KDELR3: variants seen among roughly 807,000 people sequenced by gnomAD.
KDELR3 encodes the protein KDEL endoplasmic reticulum protein retention receptor 3.
A neutral mutation model predicts 22.7 loss-of-function variants in KDELR3; 26 were observed. The ratio of observed to expected loss-of-function variants is 1.15; its 90% CI spans 0.84 to 1.59. The LOEUF (loss-of-function observed/expected upper bound fraction) is 1.59, where lower values mean the gene tolerates loss of function less well. KDELR3 is among the 40% of genes most tolerant of loss of function. KDELR3 has a pLI of 0.00. For synonymous variants in KDELR3, 120 were observed against 98.2 expected (o/e 1.22, Z -1.31); for missense variants, 289 against 251.1 (o/e 1.15, Z -1.02).
intron 4 of KDELR3, chr22:38,481,724 AG>A (rs2089603359): frequency 1.3e-5 from 16 of 1,196,270 alleles, no homozygotes; most frequent in African/African-American, 1.5e-5. Context: ...AAAACATTCC[AG>A]AACTTATTAC....
At chr22:38,472,952 C>T (rs1295723652) in intron 1 of KDELR3, among the ~76,000 whole-genome samples, 7 of 152,092 alleles carry the variant, frequency 4.6e-5, no homozygotes, top group Non-Finnish European at 7.4e-5. Flanking sequence ...CTGCCCGCCT[C>T]GGCCTCCCAA....
rs1569134840 is a variant in KDELR3, at chr22:38,483,207, G to A, written c.*671G>A. 6.6e-6 allele frequency: 1 copy of A among 152,164 alleles called. No homozygotes were observed. The highest frequency in any genetic ancestry group is 6.5e-5 in the Admixed American group (1 of 15,274). The allele number at this position is 152,164 out of a possible 1,614,324, so 9.4% of individuals were successfully genotyped here. ...AATGGTACTTAGGCGAGTACCATTT[G>A]CACAATCACTGTTTTACTTATGAGC... On this transcript the variant is annotated 3_prime_UTR_variant, in exon 5 of 5. Coordinates refer to ENST00000216014, the MANE Select transcript of KDELR3 (RefSeq NM_006855.4).
In KDELR3 at chr22:38,483,074, A is replaced by G. The variant is rs1333108735; in HGVS notation, c.*538A>G. On this transcript the variant is annotated 3_prime_UTR_variant, in exon 5 of 5. Transcript: ENST00000216014. ...TTCAGGCCAGAAGCAAACCAAATTT[A>G]CCAGGTTTGGCTGGAGGAGTTTTGT... The G allele has an allele frequency of 6.5e-6, 1 of 152,968 alleles. No individual in the cohort carries two copies. The highest frequency in any genetic ancestry group is 2.4e-5 in the African/African-American group (1 of 41,464). The allele number at this position is 152,968 out of a possible 1,614,324, so 9.5% of individuals were successfully genotyped here.
chr22:38,483,268 AT>A lies in KDELR3; in HGVS notation c.*733del, dbSNP rs1478106362. On this transcript the variant is annotated 3_prime_UTR_variant, in exon 5 of 5. Coordinates refer to ENST00000216014, the MANE Select transcript of KDELR3 (RefSeq NM_006855.4). ...ATATCCAAACCCTTACCTACTAGGT[AT>A]CCTGCTAGGGTTTTCAATTCCAATT... 3.3e-5 allele frequency: 5 copies of A among 152,226 alleles called. No individual in the cohort carries two copies. The highest frequency in any genetic ancestry group is 2.9e-5 in the Non-Finnish European group (2 of 68,044). 9.4% of individuals were successfully genotyped at this position (152,226 alleles called of 1,614,324 possible).
At chr22:38,471,446 GC>G (rs1209574427) in intron 1 of KDELR3, among the ~76,000 whole-genome samples, 4 of 152,182 alleles carry the variant, frequency 2.6e-5, no homozygotes, top group Non-Finnish European at 5.9e-5. Context: ...CCCACTGCCA[GC>G]CCCACTGTTG....
intron 2 of KDELR3, among the ~76,000 whole-genome samples, chr22:38,477,471 G>C (rs1362540653): frequency 6.6e-6 from 1 of 152,176 alleles, no homozygotes; most frequent in Non-Finnish European, 1.5e-5. Flanking sequence ...CCAAAGTGCT[G>C]GGATTACAGG....
At chr22:38,472,345 TG>T (rs2089530463) in intron 1 of KDELR3, among the ~76,000 whole-genome samples, 1 of 151,812 alleles carries the variant, frequency 6.6e-6, no homozygotes, top group African/African-American at 2.4e-5. Context: ...GGCATGATGG[TG>T]GGCGCCTGTA....
intron 1 of KDELR3, among the ~76,000 whole-genome samples, chr22:38,471,565 G>C (rs2089525310): frequency 6.6e-6 from 1 of 152,342 alleles, no homozygotes; most frequent in Non-Finnish European, 1.5e-5. Context: ...CTCTGCATGA[G>C]GGGCCGTTTG....
At chr22:38,469,423 G>T (rs1399236942) in intron 1 of KDELR3, among the ~76,000 whole-genome samples, 1 of 152,208 alleles carries the variant, frequency 6.6e-6, no homozygotes. Context: ...TGCTTTGCAA[G>T]CTTTGAGAGA....
intron 2 of KDELR3, among the ~76,000 whole-genome samples, chr22:38,479,195 A>T (rs1372323374): frequency 6.6e-6 from 1 of 152,036 alleles, no homozygotes; most frequent in East Asian, 1.9e-4. Context: ...AAAAAAAAAA[A>T]GGCTAGTCCT....
At position 38,468,135 on chromosome 22, in the gene KDELR3, C is replaced by A; in HGVS notation, c.-99C>A. 1.0e-6 allele frequency: 1 copy of A among 1,004,256 alleles called. No homozygotes were observed. Among genetic ancestry groups the A allele is most frequent in the South Asian group, 1.4e-5 (1 of 71,700 alleles). The allele number at this position is 1,004,256 out of a possible 1,614,324, so 62.2% of individuals were successfully genotyped here. ...GTGAGGCGCAGGCAGGGCTCTGGGG[C>A]ACCTAGAGACCGGGGCCGGAGACGT... On this transcript the variant is annotated 5_prime_UTR_variant, in exon 1 of 5. Transcript: ENST00000216014.
rs768815947 is a variant in KDELR3 at position 38,479,771 on chromosome 22, AC to A, written c.351+22del. 7.4e-6 allele frequency: 12 copies of A among 1,612,526 alleles called. No homozygotes were observed. Among genetic ancestry groups the A allele is most frequent in the Non-Finnish European group, 1.0e-5 (12 of 1,178,746 alleles). Reference sequence around the variant, plus strand: ...CTGGAGGTAAGGGAATGGACTGAGTACCAGTTCTCAAAGGGAAATATGCTCC... The same window carrying A: ...CTGGAGGTAAGGGAATGGACTGAGTACAGTTCTCAAAGGGAAATATGCTCC... On this transcript the variant is annotated intron_variant, in intron 3 of 4. Coordinates refer to ENST00000216014, the MANE Select transcript of KDELR3 (RefSeq NM_006855.4).
intron 1 of KDELR3, among the ~76,000 whole-genome samples, chr22:38,474,098 C>T (rs1049153117): frequency 1.3e-5 from 2 of 152,184 alleles, no homozygotes; most frequent in Admixed American, 1.3e-4. Flanking sequence ...GAATCAACAC[C>T]TTGTAAAGTC....
At chr22:38,473,664 C>T (rs1210375118) in intron 1 of KDELR3, among the ~76,000 whole-genome samples, 1 of 152,120 alleles carries the variant, frequency 6.6e-6, no homozygotes, top group African/African-American at 2.4e-5. Context: ...ATAGGCATAA[C>T]TTTTGTAACT....
chr22:38,472,998 C>A (rs192669763), intron 1 of KDELR3, among the ~76,000 whole-genome samples: 1 of 152,212 alleles, frequency 6.6e-6, no homozygotes, highest in African/African-American at 2.4e-5. Context: ...CCGCCCCCGG[C>A]CCAAATACGA....
chr22:38,481,943 A>C (rs537948239), intron 4 of KDELR3, among the ~76,000 whole-genome samples: 12 of 152,232 alleles, frequency 7.9e-5, no homozygotes, highest in African/African-American at 2.9e-4. Context: ...ACAAAAAGAC[A>C]CTTCATATGT....
intron 1 of KDELR3, among the ~76,000 whole-genome samples, chr22:38,472,464 G>A (rs549933903): frequency 1.1e-4 from 17 of 151,918 alleles, no homozygotes; most frequent in Non-Finnish European, 2.5e-4. Context: ...GTGACAGAGT[G>A]AGACTCTGTC....
chr22:38,480,094 G>A (rs1205025058), intron 3 of KDELR3, among the ~76,000 whole-genome samples: 2 of 152,122 alleles, frequency 1.3e-5, no homozygotes, highest in Admixed American at 6.6e-5. Context: ...GAATCTGCAG[G>A]CAACAAGCAT....
chr22:38,481,974 C>T (rs1051043604), intron 4 of KDELR3, among the ~76,000 whole-genome samples: 1 of 152,210 alleles, frequency 6.6e-6, no homozygotes, highest in Non-Finnish European at 1.5e-5. Flanking sequence ...TTTACAAATT[C>T]GTGTTGGGCC....
Sources: allele counts gnomAD v4.1 joint callset (sites outside exome capture counted in the v4.1 genomes callset), GRCh38; gene constraint gnomAD v4.1.1; transcripts MANE v1.5; gene names NCBI Gene and HGNC (gene_info 2026-07-23, HGNC 2026-07-21).